Variants in LCLAT1 observed in about 807,000 individuals in gnomAD.
LCLAT1 encodes lysocardiolipin acyltransferase 1.
Under a neutral mutation model 30.7 loss-of-function variants are expected in LCLAT1, and 11 were observed. The ratio of observed to expected loss-of-function variants is 0.36; its 90% CI spans 0.23 to 0.59. The LOEUF (loss-of-function observed/expected upper bound fraction) is 0.59. Among genes scored for constraint, LCLAT1 ranks in the 20% least tolerant of loss-of-function variants. The pLI, the probability that LCLAT1 is intolerant of heterozygous loss-of-function variation, is 0.77. For missense variants in LCLAT1, 402 were observed against 458.6 expected, an observed-to-expected ratio of 0.88 and a Z score of 1.13; for synonymous variants, 155 against 151.3, an observed-to-expected ratio of 1.02 and a Z score of -0.18.
intron 1 of LCLAT1, among the ~76,000 whole-genome samples, chr2:30,458,283 G>T (rs1201336840): frequency 6.6e-6 from 1 of 152,212 alleles, no homozygotes; most frequent in Non-Finnish European, 1.5e-5. Context: ...AGAAGACCCT[G>T]CTCTGTCTGG....
chr2:30,610,189 A>ATTT (rs937962653), intron 5 of LCLAT1, among the ~76,000 whole-genome samples: 2 of 146,540 alleles, frequency 1.4e-5, no homozygotes, highest in African/African-American at 5.0e-5. Flanking sequence ...TAGTAATTGC[A>ATTT]TTTTTTTTTT....
chr2:30,639,306 G>A (rs367655159), intron 5 of LCLAT1, among the ~76,000 whole-genome samples: 52 of 152,224 alleles, frequency 3.4e-4, no homozygotes, highest in African/African-American at 1.2e-3. Context: ...CCCCAGTTAC[G>A]TTGAGAACAT....
At chr2:30,634,833 T>G (rs933315388) in intron 5 of LCLAT1, among the ~76,000 whole-genome samples, 6 of 152,224 alleles carry the variant, frequency 3.9e-5, no homozygotes, top group Non-Finnish European at 5.9e-5. Context: ...TCTCAACTTT[T>G]GACTATCCAT....
intron 5 of LCLAT1, among the ~76,000 whole-genome samples, chr2:30,593,336 TCTTGG>T (rs1363674276): frequency 2.0e-5 from 3 of 152,210 alleles, no homozygotes; most frequent in African/African-American, 7.2e-5. Context: ...TAAGTCCGTA[TCTTGG>T]CTGTTGTGAA....
intron 1 of LCLAT1, among the ~76,000 whole-genome samples, chr2:30,515,619 T>C: frequency 6.6e-6 from 1 of 152,206 alleles, no homozygotes; most frequent in East Asian, 1.9e-4. Flanking sequence ...AGGCATAGTT[T>C]TTCAGGATTA....
chr2:30,616,111 C>T (rs1667982046), intron 5 of LCLAT1, among the ~76,000 whole-genome samples: 1 of 152,130 alleles, frequency 6.6e-6, no homozygotes, highest in Non-Finnish European at 1.5e-5. Flanking sequence ...TTGACACAAG[C>T]TGTCACACCA....
chr2:30,619,882 A>T (rs1668160990), intron 5 of LCLAT1, among the ~76,000 whole-genome samples: 1 of 152,208 alleles, frequency 6.6e-6, no homozygotes, highest in African/African-American at 2.4e-5. Flanking sequence ...CAAAGTGGGA[A>T]TAAACTATTT....
chr2:30,573,947 C>G (rs1665888638), intron 5 of LCLAT1, among the ~76,000 whole-genome samples: 1 of 151,960 alleles, frequency 6.6e-6, no homozygotes, highest in African/African-American at 2.4e-5. Context: ...AGTGCCCCAG[C>G]CTGGTTAAGA....
chr2:30,488,699 A>T (rs1683682146), intron 1 of LCLAT1, among the ~76,000 whole-genome samples: 1 of 152,076 alleles, frequency 6.6e-6, no homozygotes, highest in African/African-American at 2.4e-5. Flanking sequence ...ATTGATTTAG[A>T]CCCCTTTCCC....
chr2:30,456,854 G>A (rs898507566), intron 1 of LCLAT1, among the ~76,000 whole-genome samples: 1 of 152,130 alleles, frequency 6.6e-6, no homozygotes, highest in African/African-American at 2.4e-5. Flanking sequence ...CTTAGCTAGA[G>A]CAGTAGGAAA....
intron 1 of LCLAT1, among the ~76,000 whole-genome samples, chr2:30,492,582 GAAAA>G (rs201358090): frequency 7.9e-6 from 1 of 125,824 alleles, no homozygotes; most frequent in Non-Finnish European, 1.7e-5. Context: ...GAAAAAAAAA[GAAAA>G]AAAAAAAAAA....
At chr2:30,503,633 A>G (rs1023144045) in intron 1 of LCLAT1, among the ~76,000 whole-genome samples, 1 of 152,228 alleles carries the variant, frequency 6.6e-6, no homozygotes, top group African/African-American at 2.4e-5. Context: ...TTGTTGAAAT[A>G]TAGTGTACTT....
At chr2:30,459,856 A>G (rs984611822) in intron 1 of LCLAT1, 3 of 579,570 alleles carry the variant, frequency 5.2e-6, no homozygotes, top group Non-Finnish European at 9.0e-6. Context: ...CTTGTTCTAT[A>G]ACCTTTTCAT....
At chr2:30,539,663 G>T (rs1265957901) in intron 3 of LCLAT1, among the ~76,000 whole-genome samples, 1 of 152,130 alleles carries the variant, frequency 6.6e-6, no homozygotes, top group Non-Finnish European at 1.5e-5. Context: ...TGGATAAATG[G>T]TTTGTACTTC....
At chr2:30,618,461 A>G (rs1215780009) in intron 5 of LCLAT1, among the ~76,000 whole-genome samples, 1 of 152,152 alleles carries the variant, frequency 6.6e-6, no homozygotes, top group East Asian at 1.9e-4. Context: ...TCTTGCACAT[A>G]TTTTATAAAA....
intron 3 of LCLAT1, among the ~76,000 whole-genome samples, chr2:30,539,059 A>T (rs1663974172): frequency 1.3e-5 from 2 of 150,974 alleles, no homozygotes; most frequent in African/African-American, 4.9e-5. Flanking sequence ...TACCTGGTTC[A>T]AGCGATTTTC....
At chr2:30,586,134 C>A (rs759804276) in intron 5 of LCLAT1, among the ~76,000 whole-genome samples, 1 of 151,504 alleles carries the variant, frequency 6.6e-6, no homozygotes, top group Non-Finnish European at 1.5e-5. Context: ...GTCCCAGCTA[C>A]TCCAGAGGCT....
intron 1 of LCLAT1, among the ~76,000 whole-genome samples, chr2:30,483,487 G>A (rs1164443854): frequency 3.3e-5 from 5 of 152,048 alleles, no homozygotes; most frequent in Non-Finnish European, 7.4e-5. Context: ...TATCTTTAAA[G>A]TGAGGATATA....
intron 3 of LCLAT1, among the ~76,000 whole-genome samples, chr2:30,547,649 A>G (rs1007177512): frequency 3.9e-5 from 6 of 152,032 alleles, no homozygotes; most frequent in African/African-American, 4.8e-5. Flanking sequence ...TTGTGTTAGC[A>G]CATGAGGCTT....
Sources: allele counts gnomAD v4.1 joint callset (sites outside exome capture counted in the v4.1 genomes callset), GRCh38; gene constraint gnomAD v4.1.1; transcripts MANE v1.5; gene names NCBI Gene and HGNC (gene_info 2026-07-23, HGNC 2026-07-21).